The following TMEM130 variants were observed in gnomAD, a reference collection of about 807,000 sequenced individuals.
TMEM130 encodes the protein transmembrane protein 130.
TMEM130 carries 37 observed loss-of-function variants against 42.9 expected under a neutral mutation model. The ratio of observed to expected loss-of-function variants is 0.86; its 90% confidence interval spans 0.66 to 1.13. The LOEUF (loss-of-function observed/expected upper bound fraction) is 1.13. TMEM130 is among the 50% of genes most tolerant of loss of function. The pLI is 0.00. For synonymous variants in TMEM130, 259 were observed against 237.7 expected (o/e 1.09, Z -0.82); for missense variants, 545 against 562.6 (o/e 0.97, Z 0.32).
rs1375894760 is a variant in TMEM130 at position 98,847,554 on chromosome 7, T to C, written c.*502A>G. The C allele has an allele frequency of 1.3e-5, 2 of 153,410 alleles. No individual in the cohort carries two copies. Among genetic ancestry groups the C allele is most frequent in the African/African-American group, 4.8e-5 (2 of 41,352 alleles). 9.5% of individuals were successfully genotyped at this position (153,410 alleles called of 1,614,324 possible). A position where few individuals can be genotyped will look rare whatever the true frequency, so the allele number is the denominator to read the frequency against. On this transcript the variant is annotated 3_prime_UTR_variant, in exon 8 of 8. Transcript: ENST00000339375. ...TGTGTGTGTGTGTGGTGTGTGTACA[T>C]GCACACTTCTCTCTGTGAGTGTGCC...
chr7:98,862,562 G>A (rs1422270752), intron 2 of TMEM130, among the ~76,000 whole-genome samples: 13 of 141,230 alleles, frequency 9.2e-5, no homozygotes, highest in Non-Finnish European at 1.6e-4. Context: ...GCAGTGGCAC[G>A]TTCTCGGCTC....
At chr7:98,848,835 TG>T (rs1402979059) in intron 6 of TMEM130, 140 bp from the exon 7 acceptor site, 1 of 659,830 alleles carries the variant, frequency 1.5e-6, no homozygotes, top group African/African-American at 1.8e-5. Flanking sequence ...GCATCCCAAC[TG>T]GGCAACCCCA....
At chr7:98,855,149 C>T in intron 5 of TMEM130, 91 bp downstream of exon 5, 1 of 1,172,938 alleles carries the variant, frequency 8.5e-7, no homozygotes, top group Non-Finnish European at 1.2e-6. Context: ...GACCTGAGGC[C>T]TGTCACAGAG....
At chr7:98,850,495 T>C (rs186340525) in intron 6 of TMEM130, among the ~76,000 whole-genome samples, 34 of 151,630 alleles carry the variant, frequency 2.2e-4, no homozygotes, top group Non-Finnish European at 4.4e-4. Flanking sequence ...GCCAGGCTGG[T>C]CTCAAACTCT....
At chr7:98,856,321 C>T in intron 3 of TMEM130, 138 bp from the exon 4 acceptor site, 1 of 816,202 alleles carries the variant, frequency 1.2e-6, no homozygotes, top group Non-Finnish European at 1.9e-6. Flanking sequence ...AGTGAGCACA[C>T]CTGTCATCAC....
At chr7:98,863,952 C>T (rs1413570504) in intron 1 of TMEM130, among the ~76,000 whole-genome samples, 1 of 151,510 alleles carries the variant, frequency 6.6e-6, no homozygotes, top group Non-Finnish European at 1.5e-5. Context: ...GACTGGAGTA[C>T]AATCATCACA....
chr7:98,865,624 G>A (rs1287854262), intron 1 of TMEM130, among the ~76,000 whole-genome samples: 9 of 152,066 alleles, frequency 5.9e-5, no homozygotes, highest in African/African-American at 2.2e-4. Flanking sequence ...TTTAAAAAAA[G>A]AAAGGCCAAC....
At chr7:98,852,423 C>T (rs1554398426) in intron 5 of TMEM130, among the ~76,000 whole-genome samples, 1 of 152,084 alleles carries the variant, frequency 6.6e-6, no homozygotes, top group East Asian at 1.9e-4. Flanking sequence ...AGCCACTGCG[C>T]CTGGCCAATT....
chr7:98,851,571 C>T lies in TMEM130; in HGVS notation c.856G>A (p.Glu286Lys), dbSNP rs868990762. The change falls in exon 6 of 8, where the codon GAA becomes AAA. Residue 286 changes from glutamate (E) to lysine (K), a missense_variant. Physicochemically the swap from Glu to Lys is moderately conservative, Grantham distance 56 (BLOSUM62 1). Transcript: ENST00000339375. ...ACGGACACAGGGTGGCACTCCCCTT[C>T]CTCCAGCGGGAGGCACTCAGGCTTG... The part of the protein sequence containing the change: ...RLKPECLPLE[E>K]GECHPVSVAS... The T allele has an allele frequency of 1.2e-6, 2 of 1,613,924 alleles. No individual in the cohort carries two copies. Among genetic ancestry groups the T allele is most frequent in the South Asian group, 2.2e-5 (2 of 91,052 alleles).
rs115720375 is a variant in TMEM130 at position 98,869,663 on chromosome 7, G to T, written c.85+114C>A. 1.4e-3 allele frequency: 1,078 copies of T among 776,708 alleles called. 10 individuals carry two copies. In the African/African-American group the frequency reaches 0.018, roughly 13 times the overall value. 48.1% of individuals were successfully genotyped at this position (776,708 alleles called of 1,614,324 possible). A position where few individuals can be genotyped will look rare whatever the true frequency, so the allele number is the denominator to read the frequency against. On this transcript the variant is annotated intron_variant, in intron 1 of 7. Coordinates refer to ENST00000339375, the MANE Select transcript of TMEM130 (RefSeq NM_152913.3). This position sits in a 1 kb window ranked among gnomAD's most constrained non-coding sequence, Gnocchi z 4.7. ...CAGCCGAGGAGGGAGATGCGCGCAG[G>T]GCGCACGGTGCCACCTCCGCAATCC...
rs1180778678 is a variant in TMEM130, at chr7:98,848,041, G to T, written c.*15C>A. 6.2e-7 allele frequency: 1 copy of T among 1,607,706 alleles called. No homozygotes were observed. The highest frequency in any genetic ancestry group is 1.3e-5 in the African/African-American group (1 of 74,852). ...CAGTCAGTTAACACTGAGATGGGGTGGGGAGGGGGAGTGCTCACACGGTGT... is the reference window on the plus strand; with the variant it reads ...CAGTCAGTTAACACTGAGATGGGGTTGGGAGGGGGAGTGCTCACACGGTGT... On this transcript the variant is annotated 3_prime_UTR_variant, in exon 8 of 8. Coordinates refer to ENST00000339375, the MANE Select transcript of TMEM130 (RefSeq NM_152913.3).
chr7:98,848,480 T>C, intron 7 of TMEM130, 103 bp downstream of exon 7: 1 of 917,340 alleles, frequency 1.1e-6, no homozygotes, highest in Non-Finnish European at 1.8e-6. Context: ...CGCTGTAATA[T>C]CAAGACCCCC....
chr7:98,850,273 A>ATTTTTTTTTTTTTTTTTT (rs1554398023), intron 6 of TMEM130, among the ~76,000 whole-genome samples: 6 of 35,450 alleles, frequency 1.7e-4, no homozygotes, highest in Non-Finnish European at 3.2e-4. Flanking sequence ...ATATATATAT[A>ATTTTTTTTTTTTTTTTTT]TTTTTTTTTT....
At chr7:98,868,333 T>A (rs1554400918) in intron 1 of TMEM130, among the ~76,000 whole-genome samples, 1 of 152,062 alleles carries the variant, frequency 6.6e-6, no homozygotes, top group African/African-American at 2.4e-5. Context: ...GCCCCCCAAG[T>A]CACCCAGAGC....
At position 98,861,559 on chromosome 7, in the gene TMEM130, A is replaced by G. The variant is rs1157072627; in HGVS notation, c.392-1221T>C. ...GCGAAACCCTGTCTCTACTAAAAAT[A>G]CAAAAATTAGCTGGGTGTGGTGGCC... On this transcript the variant is annotated intron_variant, in intron 2 of 7. Coordinates refer to ENST00000339375, the MANE Select transcript of TMEM130 (RefSeq NM_152913.3). Among the ~76,000 whole-genome samples, 3 of 151,930 alleles carry G rather than the reference A, an allele frequency of 2.0e-5. 1 individual carries two copies. The highest frequency in any genetic ancestry group is 1.5e-5 in the Non-Finnish European group (1 of 67,974).
intron 5 of TMEM130, 48 bp from the exon 6 acceptor site, chr7:98,851,671 G>T: frequency 6.6e-7 from 1 of 1,517,930 alleles, no homozygotes. Flanking sequence ...AGCAAAGCAT[G>T]TCAGCACAGA....
At chr7:98,856,533 AG>A (rs1264703797) in intron 3 of TMEM130, among the ~76,000 whole-genome samples, 7 of 152,182 alleles carry the variant, frequency 4.6e-5, no homozygotes, top group African/African-American at 1.2e-4. Flanking sequence ...TTTTTGAGAC[AG>A]GGTCTCACTC....
chr7:98,862,581 C>A (rs1419009912), intron 2 of TMEM130, among the ~76,000 whole-genome samples: 1 of 150,360 alleles, frequency 6.7e-6, no homozygotes, highest in African/African-American at 2.5e-5. Context: ...TCACTGCAAC[C>A]TCTGCCCCCC....
chr7:98,860,384 G>C (rs1193153999), intron 2 of TMEM130, 46 bp from the exon 3 acceptor site: 2 of 1,533,874 alleles, frequency 1.3e-6, no homozygotes, highest in Non-Finnish European at 1.8e-6. Context: ...GAGATTCAGG[G>C]ATCAGGAAAC....
Sources: gnomAD v4.1 joint callset for allele counts (sites outside exome capture counted in the v4.1 genomes callset) on GRCh38, gnomAD v4.1.1 for gene constraint, Gnocchi (gnomAD v3.1) non-coding constraint, MANE v1.5 for transcripts, NCBI Gene and HGNC (gene_info 2026-07-23, HGNC 2026-07-21) for gene names.